Variants in SLC25A21 observed in about 807,000 individuals in gnomAD.
The protein encoded by SLC25A21 is solute carrier family 25 member 21.
Under a neutral mutation model 43.8 loss-of-function variants are expected in SLC25A21, and 47 were observed. The observed-to-expected ratio is 1.07, with a 90% CI of 0.85 to 1.37. SLC25A21 has a LOEUF of 1.37. Ranked by LOEUF, SLC25A21 falls within the 40% of genes most tolerant of loss-of-function variation. The pLI, the probability that SLC25A21 is intolerant of heterozygous loss-of-function variation, is 0.00. For missense variants in SLC25A21, 352 were observed against 350.2 expected (o/e 1.00, Z -0.04); for synonymous variants, 131 against 121.3 (o/e 1.08, Z -0.52).
At chr14:37,113,368 A>G (rs1265287880) in intron 1 of SLC25A21, among the ~76,000 whole-genome samples, 1 of 152,194 alleles carries the variant, frequency 6.6e-6, no homozygotes, top group African/African-American at 2.4e-5. Flanking sequence ...ATTCCTCATG[A>G]CAATAAAATA....
At chr14:36,723,448 A>T (rs901665917) in intron 6 of SLC25A21, among the ~76,000 whole-genome samples, 7 of 152,208 alleles carry the variant, frequency 4.6e-5, no homozygotes, top group African/African-American at 1.7e-4. Flanking sequence ...CATCTAATTG[A>T]TTTTATTCTA....
chr14:37,028,696 T>C (rs990352500), intron 1 of SLC25A21, among the ~76,000 whole-genome samples: 5 of 152,188 alleles, frequency 3.3e-5, no homozygotes, highest in Non-Finnish European at 5.9e-5. Flanking sequence ...ATTGAAATTA[T>C]AGGATAACGT....
chr14:36,959,182 G>A (rs1959422455), intron 1 of SLC25A21, among the ~76,000 whole-genome samples: 1 of 152,138 alleles, frequency 6.6e-6, no homozygotes, highest in African/African-American at 2.4e-5. Context: ...ATGACACACT[G>A]ACACACTGCT....
chr14:36,865,880 C>A (rs1890199494), intron 2 of SLC25A21, among the ~76,000 whole-genome samples: 1 of 149,418 alleles, frequency 6.7e-6, no homozygotes, highest in African/African-American at 2.5e-5. Context: ...AAATTTTCAA[C>A]TCATGTGAGT....
intron 2 of SLC25A21, among the ~76,000 whole-genome samples, chr14:36,848,970 G>C (rs965229937): frequency 6.6e-6 from 1 of 152,118 alleles, no homozygotes; most frequent in South Asian, 2.1e-4. Context: ...TGCAGGCCCA[G>C]ATGATTCATG....
At chr14:36,817,480 C>G (rs1332526651) in intron 2 of SLC25A21, among the ~76,000 whole-genome samples, 2 of 152,118 alleles carry the variant, frequency 1.3e-5, no homozygotes, top group African/African-American at 4.8e-5. Context: ...CAGCCGCCTA[C>G]CCCGTTTCCT....
chr14:36,743,110 G>A (rs1405320065), intron 3 of SLC25A21, among the ~76,000 whole-genome samples: 1 of 152,132 alleles, frequency 6.6e-6, no homozygotes, highest in Non-Finnish European at 1.5e-5. Context: ...CACTAAACAT[G>A]TTGCTCAGTT....
chr14:37,078,882 A>C (rs1415504284), intron 1 of SLC25A21, among the ~76,000 whole-genome samples: 2 of 149,962 alleles, frequency 1.3e-5, no homozygotes, highest in African/African-American at 4.9e-5. Context: ...AATGGTTTGC[A>C]TTCGAGAATC....
chr14:36,812,820 T>C (rs1888319868), intron 3 of SLC25A21, among the ~76,000 whole-genome samples: 1 of 152,102 alleles, frequency 6.6e-6, no homozygotes, highest in African/African-American at 2.4e-5. Flanking sequence ...GATTCCCAGC[T>C]CCACTACTCA....
At chr14:37,029,281 T>G (rs1011286612) in intron 1 of SLC25A21, among the ~76,000 whole-genome samples, 1 of 152,180 alleles carries the variant, frequency 6.6e-6, no homozygotes, top group Non-Finnish European at 1.5e-5. Flanking sequence ...TCAAAAATGA[T>G]AGAGCACATG....
chr14:37,066,998 GCAGAAGAAATTATCCAGAATA>G (rs1962074130), intron 1 of SLC25A21, among the ~76,000 whole-genome samples: 1 of 151,990 alleles, frequency 6.6e-6, no homozygotes, highest in East Asian at 1.9e-4. Context: ...AAAAAATGGG[GCAGAAGAAATTATCCAGAATA>G]CAGTACAGTG....
chr14:37,122,560 CA>C (rs749509945), intron 1 of SLC25A21, among the ~76,000 whole-genome samples: 31 of 152,218 alleles, frequency 2.0e-4, no homozygotes, highest in Non-Finnish European at 4.0e-4. Flanking sequence ...CTATGACTCA[CA>C]TGGTAGTGCT....
chr14:36,840,015 T>G (rs1889333568), intron 2 of SLC25A21, among the ~76,000 whole-genome samples: 1 of 152,162 alleles, frequency 6.6e-6, no homozygotes, highest in Admixed American at 6.5e-5. Context: ...TGGTCAAAAG[T>G]TGGTGAGAAA....
chr14:36,869,799 T>C (rs571286190), intron 2 of SLC25A21, among the ~76,000 whole-genome samples: 24 of 152,290 alleles, frequency 1.6e-4, no homozygotes, highest in African/African-American at 4.3e-4. Context: ...AGATTCTTCA[T>C]TGGAGAAATA....
chr14:36,992,921 T>C (rs1418544508), intron 1 of SLC25A21, among the ~76,000 whole-genome samples: 1 of 152,162 alleles, frequency 6.6e-6, no homozygotes, highest in Admixed American at 6.6e-5. Flanking sequence ...ATGTTTCCCT[T>C]TGTAAAAAAC....
intron 3 of SLC25A21, among the ~76,000 whole-genome samples, chr14:36,784,667 A>G (rs1232617293): frequency 6.6e-6 from 1 of 152,176 alleles, no homozygotes; most frequent in Non-Finnish European, 1.5e-5. Flanking sequence ...AGGAGACAAG[A>G]GTGGGAGTAG....
At chr14:37,034,151 GTAC>G (rs1961277190) in intron 1 of SLC25A21, among the ~76,000 whole-genome samples, 1 of 151,946 alleles carries the variant, frequency 6.6e-6, no homozygotes. Flanking sequence ...TGAGTAGCTG[GTAC>G]TACAGATGCC....
intron 1 of SLC25A21, among the ~76,000 whole-genome samples, chr14:37,000,950 T>C (rs1960476428): frequency 6.6e-6 from 1 of 152,150 alleles, no homozygotes; most frequent in African/African-American, 2.4e-5. Flanking sequence ...TCTTCATAAA[T>C]TAGCCAGTCT....
At chr14:37,137,730 A>G (rs1472425561) in intron 1 of SLC25A21, among the ~76,000 whole-genome samples, 1 of 152,152 alleles carries the variant, frequency 6.6e-6, no homozygotes, top group East Asian at 1.9e-4. Flanking sequence ...CAGAGTGGTA[A>G]TTATTTCCAC....
Sources: allele counts gnomAD v4.1 joint callset (sites outside exome capture counted in the v4.1 genomes callset), GRCh38; gene constraint gnomAD v4.1.1; transcripts MANE v1.5; gene names NCBI Gene and HGNC (gene_info 2026-07-23, HGNC 2026-07-21).